The following CTXND1 variants were observed in gnomAD, a reference collection of about 807,000 sequenced individuals.
CTXND1 encodes cortexin domain containing 1, also known as cortexin domain-containing 1 protein.
intron 1 of CTXND1, among the ~76,000 whole-genome samples, chr15:80,249,340 G>A (rs1478240997): frequency 6.6e-6 from 1 of 152,172 alleles, no homozygotes; most frequent in African/African-American, 2.4e-5. Flanking sequence ...TTTGGGGTCT[G>A]TGGGATTCTA....
chr15:80,196,734 C>T lies in CTXND1; in HGVS notation c.*5036G>A, dbSNP rs1017449608. The T allele has an allele frequency of 1.3e-5, 2 of 152,204 alleles. No homozygotes were observed. The highest frequency in any genetic ancestry group is 4.8e-5 in the African/African-American group (2 of 41,438). 9.4% of individuals were successfully genotyped at this position (152,204 alleles called of 1,614,324 possible). Reference sequence around the variant, plus strand: ...AAGATGAATTGTGCTGGTTTTTCTTCTTTTGCTCCAGTGTGCTGCCTATGT... The same window carrying T: ...AAGATGAATTGTGCTGGTTTTTCTTTTTTTGCTCCAGTGTGCTGCCTATGT... On this transcript the variant is annotated 3_prime_UTR_variant, in exon 3 of 3. Transcript: ENST00000560778.
At chr15:80,226,780 A>G (rs1012462261) in intron 1 of CTXND1, among the ~76,000 whole-genome samples, 1 of 152,194 alleles carries the variant, frequency 6.6e-6, no homozygotes, top group Non-Finnish European at 1.5e-5. Context: ...CATCTGCTTT[A>G]TATCTTCCTG....
In CTXND1 at chr15:80,200,077, T is replaced by A. The variant is rs1475674571; in HGVS notation, c.*1693A>T. ...CTTGAGGTCAGGTGCTGGGAAAGGC[T>A]GCTGTGAGTGTTCCTCTGACCAAGT... is the stretch of plus-strand genomic sequence containing the variant. On this transcript the variant is annotated 3_prime_UTR_variant, in exon 3 of 3. Transcript: ENST00000560778. 1 of 152,292 alleles carries A rather than the reference T, an allele frequency of 6.6e-6. No individual in the cohort carries two copies. The highest frequency in any genetic ancestry group is 1.5e-5 in the Non-Finnish European group (1 of 68,114). The allele number at this position is 152,292 out of a possible 1,614,324, so 9.4% of individuals were successfully genotyped here. A position where few individuals can be genotyped will look rare whatever the true frequency, so the allele number is the denominator to read the frequency against.
At position 80,198,741 on chromosome 15, in the gene CTXND1, A is replaced by G. The variant is rs1467992764; in HGVS notation, c.*3029T>C. ...TGTCTTAAGCAAGCTCCCCGGCTTC[A>G]TCATATCTATCTTGATCTTTCTTTT... On this transcript the variant is annotated 3_prime_UTR_variant, in exon 3 of 3. Transcript: ENST00000560778. 1 of 152,222 alleles carries G rather than the reference A, an allele frequency of 6.6e-6. No individual in the cohort carries two copies. Among genetic ancestry groups the G allele is most frequent in the Non-Finnish European group, 1.5e-5 (1 of 68,044 alleles). 9.4% of individuals were successfully genotyped at this position (152,222 alleles called of 1,614,324 possible).
chr15:80,248,973 G>C (rs1362642312), intron 1 of CTXND1, among the ~76,000 whole-genome samples: 1 of 151,580 alleles, frequency 6.6e-6, no homozygotes, highest in African/African-American at 2.4e-5. Context: ...ATTTGGTAGA[G>C]ACAGGGTCTC....
At chr15:80,218,562 T>C (rs1893278077) in intron 1 of CTXND1, among the ~76,000 whole-genome samples, 1 of 152,200 alleles carries the variant, frequency 6.6e-6, no homozygotes, top group Non-Finnish European at 1.5e-5. Flanking sequence ...TTGTATGCTT[T>C]CCTTGCTTTC....
chr15:80,215,054 A>G (rs1893237237), intron 1 of CTXND1, among the ~76,000 whole-genome samples: 1 of 152,246 alleles, frequency 6.6e-6, no homozygotes, highest in Non-Finnish European at 1.5e-5. Flanking sequence ...AAATGTAAAT[A>G]GTTAAAATTG....
intron 1 of CTXND1, among the ~76,000 whole-genome samples, chr15:80,210,960 T>C (rs1210161176): frequency 6.6e-6 from 1 of 152,212 alleles, no homozygotes; most frequent in Admixed American, 6.5e-5. Flanking sequence ...CCCCACCTTA[T>C]GACTCATGTA....
chr15:80,215,696 A>G (rs1418103179), intron 1 of CTXND1, among the ~76,000 whole-genome samples: 4 of 152,118 alleles, frequency 2.6e-5, no homozygotes, highest in Non-Finnish European at 5.9e-5. Flanking sequence ...CTGGATTGGA[A>G]ACTGTCCTAG....
intron 1 of CTXND1, among the ~76,000 whole-genome samples, chr15:80,232,867 G>A (rs1893446799): frequency 1.3e-5 from 2 of 152,056 alleles, no homozygotes; most frequent in African/African-American, 2.4e-5. Flanking sequence ...TTCAGGTCCT[G>A]GGCATAATGT....
intron 1 of CTXND1, among the ~76,000 whole-genome samples, chr15:80,248,835 A>G (rs1055645010): frequency 6.6e-6 from 1 of 152,190 alleles, no homozygotes; most frequent in Admixed American, 6.5e-5. Context: ...CGTGGTAACC[A>G]CCTGGGCATA....
intron 1 of CTXND1, among the ~76,000 whole-genome samples, chr15:80,218,518 TTGA>T (rs1420197819): frequency 6.6e-6 from 1 of 152,210 alleles, no homozygotes; most frequent in African/African-American, 2.4e-5. Context: ...CTGCATTTTG[TTGA>T]TGTTTTAAAA....
Position 80,237,118 on chromosome 15 carries a change from G to A in CTXND1, c.-218+14889C>T, listed in dbSNP as rs371566701. 1.0e-3 allele frequency among the ~76,000 whole-genome samples: 158 copies of A among 152,060 alleles called. 1 individual carries two copies. Among genetic ancestry groups the A allele is most frequent in the African/African-American group, 2.8e-3 (118 of 41,470 alleles). On this transcript the variant is annotated intron_variant, in intron 1 of 2. Transcript: ENST00000560778. The stretch of plus-strand genomic sequence containing the variant: ...TGGGACGCCAAGGATGGCAGATCAC[G>A]AGATCAGCAGATAGAGACCATCCTG...
At chr15:80,222,527 C>G (rs748616265) in intron 1 of CTXND1, among the ~76,000 whole-genome samples, 42 of 152,142 alleles carry the variant, frequency 2.8e-4, no homozygotes, top group Non-Finnish European at 4.4e-4. Flanking sequence ...CCCCAATTAT[C>G]TCAAAATTGT....
chr15:80,230,662 C>T (rs1893417593), intron 1 of CTXND1, among the ~76,000 whole-genome samples: 1 of 152,128 alleles, frequency 6.6e-6, no homozygotes, highest in Non-Finnish European at 1.5e-5. Context: ...TCTTTTCTAA[C>T]ATATGCATTT....
chr15:80,224,173 C>T (rs1893349163), intron 1 of CTXND1, among the ~76,000 whole-genome samples: 1 of 152,164 alleles, frequency 6.6e-6, no homozygotes, highest in Non-Finnish European at 1.5e-5. Flanking sequence ...GTGTAAGTCT[C>T]CCCAGCTCAG....
At chr15:80,234,987 T>C (rs957952466) in intron 1 of CTXND1, among the ~76,000 whole-genome samples, 5 of 86,398 alleles carry the variant, frequency 5.8e-5, no homozygotes, top group African/African-American at 2.4e-4. Context: ...TCCCCAGAGT[T>C]TGAGTTATGA....
chr15:80,234,748 G>A (rs547607079), intron 1 of CTXND1, among the ~76,000 whole-genome samples: 1 of 152,162 alleles, frequency 6.6e-6, no homozygotes, highest in African/African-American at 2.4e-5. Flanking sequence ...AAATTGCTGG[G>A]ATTATAAGCG....
Position 80,197,972 on chromosome 15 carries a change from T to C in CTXND1, c.*3798A>G, listed in dbSNP as rs1414281231. 6.6e-6 allele frequency: 1 copy of C among 152,232 alleles called. No homozygotes were observed. Among genetic ancestry groups the C allele is most frequent in the African/African-American group, 2.4e-5 (1 of 41,464 alleles). The allele number at this position is 152,232 out of a possible 1,614,324, so 9.4% of individuals were successfully genotyped here. On this transcript the variant is annotated 3_prime_UTR_variant, in exon 3 of 3. Transcript: ENST00000560778. ...AAAAATGAAATAGCTATGATGGGAA[T>C]GATATGCCAGGATGGTAAAGCTAGG...
Sources: allele counts gnomAD v4.1 joint callset (sites outside exome capture counted in the v4.1 genomes callset), GRCh38; gene constraint gnomAD v4.1.1; transcripts MANE v1.5; gene names NCBI Gene and HGNC (gene_info 2026-07-23, HGNC 2026-07-21).